The following DIAPH2 variants were observed in gnomAD, a reference collection of about 807,000 sequenced individuals.
DIAPH2 encodes diaphanous related formin 2.
DIAPH2 carries 35 observed loss-of-function variants against 92.7 expected under a neutral mutation model. The observed-to-expected ratio is 0.38, with a 90% confidence interval of 0.29 to 0.50. The LOEUF is 0.50. DIAPH2 is among the 20% of genes least tolerant of loss of function. The pLI is 0.94. For missense variants in DIAPH2, 701 were observed against 819.5 expected, an observed-to-expected ratio of 0.86 and a Z score of 1.77; for synonymous variants, 301 against 280.4, an observed-to-expected ratio of 1.07 and a Z score of -0.73.
intron 25 of DIAPH2, among the ~76,000 whole-genome samples, chrX:97,420,931 A>T (rs763384487): frequency 3.7e-4 from 42 of 112,335 alleles, no homozygotes; most frequent in African/African-American, 1.3e-3. Context: ...TGATTTCCTT[A>T]AACACTTTCT....
chrX:96,797,914 A>G (rs921137006), intron 4 of DIAPH2, among the ~76,000 whole-genome samples: 1 of 112,662 alleles, frequency 8.9e-6, no homozygotes, highest in Non-Finnish European at 1.9e-5. Flanking sequence ...AATTTTTACA[A>G]ATGTTTATAG....
At chrX:97,192,030 A>G (rs976706101) in intron 22 of DIAPH2, among the ~76,000 whole-genome samples, 4 of 111,533 alleles carry the variant, frequency 3.6e-5, no homozygotes, top group East Asian at 2.8e-4. Flanking sequence ...AGTGGCTCAC[A>G]CCTGTAATCC....
chrX:96,961,390 T>C (rs1248154398), intron 16 of DIAPH2, among the ~76,000 whole-genome samples: 1 of 109,075 alleles, frequency 9.2e-6, no homozygotes, highest in Non-Finnish European at 1.9e-5. Flanking sequence ...ATTCTGTTTA[T>C]TTAGGTCTTT....
In DIAPH2 at chrX:96,984,358, G is replaced by A. The variant is rs2066017173; in HGVS notation, c.2050+19151G>A. On this transcript the variant is annotated intron_variant, in intron 17 of 26. Transcript: ENST00000324765. ...CCTTTTGGCAGCAAAGCAAAAAATG[G>A]GCTCTAGGCCTTTGGGAAATTTGCT... Among the ~76,000 whole-genome samples the A allele has an allele frequency of 3.6e-5, 4 of 110,556 alleles. No homozygotes were observed. In the South Asian group the frequency reaches 1.6e-3, roughly 43 times the overall value.
At chrX:96,857,438 A>G (rs1470015791) in intron 4 of DIAPH2, among the ~76,000 whole-genome samples, 3 of 112,547 alleles carry the variant, frequency 2.7e-5, no homozygotes, top group African/African-American at 9.7e-5. Context: ...CATAGTACTG[A>G]GTGTTTCAAA....
intron 17 of DIAPH2, among the ~76,000 whole-genome samples, chrX:97,035,010 A>G (rs1328967887): frequency 2.7e-5 from 3 of 112,269 alleles, no homozygotes; most frequent in African/African-American, 9.7e-5. Context: ...TAGTGTATGC[A>G]TTATTTCTAC....
intron 24 of DIAPH2, among the ~76,000 whole-genome samples, chrX:97,368,838 G>T (rs1234815518): frequency 1.8e-5 from 2 of 109,304 alleles, no homozygotes; most frequent in Non-Finnish European, 3.8e-5. Flanking sequence ...TATAGTTAAG[G>T]GTGCTTATCT....
At chrX:97,064,982 G>A (rs1569292583) in intron 17 of DIAPH2, among the ~76,000 whole-genome samples, 2 of 111,122 alleles carry the variant, frequency 1.8e-5, no homozygotes, top group African/African-American at 6.5e-5. Flanking sequence ...GCACCAAGCT[G>A]AGATGGACCA....
intron 21 of DIAPH2, among the ~76,000 whole-genome samples, chrX:97,136,628 A>G (rs73250785): frequency 0.3 from 33,416 of 110,708 alleles, 4,605 homozygotes; most frequent in East Asian, 0.5. Context: ...CCATCTTTTC[A>G]TAGTGTATTT....
chrX:97,050,651 T>C (rs936002133), intron 17 of DIAPH2, among the ~76,000 whole-genome samples: 1 of 110,611 alleles, frequency 9.0e-6, no homozygotes, highest in Non-Finnish European at 1.9e-5. Flanking sequence ...CAGAAGAACT[T>C]TGTTATGCTC....
At chrX:96,925,220 A>G (rs1476071290) in intron 9 of DIAPH2, among the ~76,000 whole-genome samples, 1 of 110,353 alleles carries the variant, frequency 9.1e-6, no homozygotes, top group Non-Finnish European at 1.9e-5. Flanking sequence ...CAAATTCAAT[A>G]TTGTCCTTAA....
At chrX:97,458,529 T>G (rs2070430016) in intron 26 of DIAPH2, among the ~76,000 whole-genome samples, 1 of 110,907 alleles carries the variant, frequency 9.0e-6, no homozygotes. Flanking sequence ...TTCTGTAAAT[T>G]TATAGTTAGA....
Position 96,925,163 on chromosome X carries a change from T to A in DIAPH2, c.979-5570T>A, listed in dbSNP as rs114172630. Reference sequence around the variant, plus strand: ...GTCTTTATCTGATCTCTTCTCTTCCTCCCAACTCACAGACCCCATATGTTC... The same window carrying A: ...GTCTTTATCTGATCTCTTCTCTTCCACCCAACTCACAGACCCCATATGTTC... On this transcript the variant is annotated intron_variant, in intron 9 of 26. Transcript: ENST00000324765. Among the ~76,000 whole-genome samples, 890 of 110,210 alleles carry A rather than the reference T, an allele frequency of 8.1e-3. 9 individuals carry two copies. Among genetic ancestry groups the A allele is most frequent in the African/African-American group, 0.029 (863 of 30,138 alleles).
At chrX:96,829,270 T>C (rs747184703) in intron 4 of DIAPH2, among the ~76,000 whole-genome samples, 2 of 111,360 alleles carry the variant, frequency 1.8e-5, no homozygotes, top group African/African-American at 6.5e-5. Flanking sequence ...TAGTATTTTT[T>C]AGGCTTTTTT....
chrX:97,507,052 G>T (rs1402172330), intron 26 of DIAPH2, among the ~76,000 whole-genome samples: 1 of 104,479 alleles, frequency 9.6e-6, no homozygotes, highest in African/African-American at 3.6e-5. Context: ...GCCCACAAAG[G>T]CTAAAATATT....
rs142387766 is a variant in DIAPH2, at chrX:96,916,689, T to G, written c.869+115T>G. On this transcript the variant is annotated intron_variant, in intron 8 of 26. Transcript: ENST00000324765. ...ACTTTCATGAAAACAGTATTTTAGA[T>G]AATTTTTGATTGAAATTTTTATCTT... 5,913 of 783,423 alleles carry G rather than the reference T, an allele frequency of 7.5e-3. 244 individuals carry two copies. The African/African-American group carries it at 0.12, about 15-fold the overall frequency. 64.6% of individuals were successfully genotyped at this position (783,423 alleles called of 1,213,427 possible).
intron 26 of DIAPH2, among the ~76,000 whole-genome samples, chrX:97,482,998 A>G (rs1219197834): frequency 9.0e-6 from 1 of 111,526 alleles, no homozygotes; most frequent in African/African-American, 3.3e-5. Flanking sequence ...AGATAAAAAT[A>G]GGCATTCAAA....
intron 26 of DIAPH2, among the ~76,000 whole-genome samples, chrX:97,435,104 C>T (rs758430001): frequency 1.4e-4 from 16 of 111,325 alleles, no homozygotes; most frequent in South Asian, 3.9e-4. Context: ...CAATGACATA[C>T]GCTCTGGTGG....
intron 15 of DIAPH2, among the ~76,000 whole-genome samples, chrX:96,956,039 T>A (rs1303451845): frequency 8.9e-6 from 1 of 112,622 alleles, no homozygotes; most frequent in African/African-American, 3.2e-5. Context: ...TGCACTGCCC[T>A]AGCAGAGATT....
Sources: allele counts gnomAD v4.1 joint callset (sites outside exome capture counted in the v4.1 genomes callset), GRCh38; gene constraint gnomAD v4.1.1; transcripts MANE v1.5; gene names NCBI Gene and HGNC (gene_info 2026-07-23, HGNC 2026-07-21).